BRCA2: variants seen among roughly 807,000 people sequenced by gnomAD.
The protein encoded by BRCA2 is breast cancer type 2 susceptibility protein.
BRCA2 carries 203 observed loss-of-function variants against 276.7 expected under a neutral mutation model. That is an observed-to-expected ratio of 0.73 (90% CI 0.65 to 0.82). The LOEUF (loss-of-function observed/expected upper bound fraction) is 0.82. Ranked by LOEUF, BRCA2 falls within the 40% of genes least tolerant of loss-of-function variation. BRCA2 has a pLI of 0.00. For synonymous variants in BRCA2, 1,289 were observed against 1,338.4 expected (o/e 0.96, Z 0.81); for missense variants, 3,920 against 3,915.0 (o/e 1.00, Z -0.03).
intron 24 of BRCA2, among the ~76,000 whole-genome samples, chr13:32,387,910 G>C (rs1294634866): frequency 6.6e-6 from 1 of 151,936 alleles, no homozygotes. Flanking sequence ...TCCTTACCAT[G>C]CCCCCTTGTC....
rs566724003 is a variant in BRCA2 at position 32,335,382 on chromosome 13, T to C, written c.1910-883T>C. ...AAAAAAAGCTAATACATGTGATCACTGATGAAATGCAATTAAGAACTGGTT... is the reference window on the plus strand; with the variant it reads ...AAAAAAAGCTAATACATGTGATCACCGATGAAATGCAATTAAGAACTGGTT... On this transcript the variant is annotated intron_variant, in intron 10 of 26. Transcript: ENST00000380152. Among the ~76,000 whole-genome samples, 74 of 150,820 alleles carry C rather than the reference T, an allele frequency of 4.9e-4. 1 individual carries two copies. In the South Asian group the frequency reaches 0.012, roughly 24 times the overall value.
intron 7 of BRCA2, among the ~76,000 whole-genome samples, chr13:32,327,812 A>T (rs2072361244): frequency 6.7e-6 from 1 of 149,982 alleles, no homozygotes; most frequent in African/African-American, 2.5e-5. Context: ...TCTGTTGCCC[A>T]GGCTGGAGTG....
chr13:32,376,569 C>A, intron 20 of BRCA2, 101 bp from the exon 21 acceptor site: 1 of 1,294,148 alleles, frequency 7.7e-7, no homozygotes, highest in Non-Finnish European at 1.1e-6. Context: ...AGTTTCTTAT[C>A]TTTAAATCTC....
chr13:32,371,334 A>T (rs1442997371), intron 20 of BRCA2, among the ~76,000 whole-genome samples: 1 of 152,018 alleles, frequency 6.6e-6, no homozygotes, highest in Non-Finnish European at 1.5e-5. Context: ...TACCTATATG[A>T]TGTGGCTTTT....
intron 20 of BRCA2, among the ~76,000 whole-genome samples, chr13:32,371,995 G>T (rs191566067): frequency 6.6e-6 from 1 of 152,344 alleles, no homozygotes. Context: ...CAATGTTGAT[G>T]CCTGCTGAGT....
chr13:32,323,526 A>G (rs997661393), intron 3 of BRCA2, among the ~76,000 whole-genome samples: 1 of 152,210 alleles, frequency 6.6e-6, no homozygotes, highest in African/African-American at 2.4e-5. Flanking sequence ...AAATCTCATT[A>G]GAGAAGGAGG....
Position 32,325,156 on chromosome 13 carries a change from C to T in BRCA2, c.397C>T (p.Pro133Ser), listed in dbSNP as rs571823764. Residue 133 changes from proline (P) to serine (S), a missense_variant, in exon 4 of 27, where the codon CCA (proline) becomes TCA (serine). By Grantham distance (74) the Pro-to-Ser change is moderately conservative. Transcript: ENST00000380152. ...KMDQADDVSC[P>S]LLNSCLSESP... Reference sequence around the variant, plus strand: ...GGATCAAGCAGATGATGTTTCCTGTCCACTTCTAAATTCTTGTCTTAGTGA... The same window carrying T: ...GGATCAAGCAGATGATGTTTCCTGTTCACTTCTAAATTCTTGTCTTAGTGA... 1 of 1,601,832 alleles carries T rather than the reference C, an allele frequency of 6.2e-7. No homozygotes were observed. Among genetic ancestry groups the T allele is most frequent in the South Asian group, 1.1e-5 (1 of 90,756 alleles).
chr13:32,387,596 G>A (rs1188695922), intron 24 of BRCA2, among the ~76,000 whole-genome samples: 1 of 152,164 alleles, frequency 6.6e-6, no homozygotes, highest in Admixed American at 6.5e-5. Flanking sequence ...ATATTACGCA[G>A]GCCTGCCCGC....
chr13:32,357,653 C>A, intron 15 of BRCA2, 89 bp from the exon 16 acceptor site: 1 of 1,400,320 alleles, frequency 7.1e-7, no homozygotes, highest in Admixed American at 2.2e-5. Flanking sequence ...TTGGTAAATT[C>A]AGTTTTGGTT....
Position 32,370,468 on chromosome 13 carries a change from C to A in BRCA2, c.8398C>A (p.Pro2800Thr), listed in dbSNP as rs80359086. Residue 2800 changes from proline to threonine, a missense_variant, in exon 19 of 27, where the codon CCT (proline) becomes ACT (threonine). Around this residue, in one of 2 missense-constraint regions of BRCA2, gnomAD observed 657 missense variants for 758.2 expected, o/e 0.87. Transcript: ENST00000380152. ...ACTTGGATTCTTTCCTGACCCTAGA[C>A]CTTTTCCTCTGCCCTTATCATCGCT... ...TKLGFFPDPRPFPLPLSSLFS... is the reference protein window; with the variant it reads ...TKLGFFPDPRTFPLPLSSLFS... The A allele has an allele frequency of 1.2e-6, 2 of 1,613,926 alleles. No individual in the cohort carries two copies. Among genetic ancestry groups the A allele is most frequent in the Non-Finnish European group, 1.7e-6 (2 of 1,179,806 alleles).
chr13:32,355,397 C>A (rs1331649034), intron 14 of BRCA2, 109 bp downstream of exon 14: 2 of 1,231,082 alleles, frequency 1.6e-6, no homozygotes, highest in Non-Finnish European at 2.3e-6. Context: ...ATTTTAAAGC[C>A]CTTTTTAATG....
intron 20 of BRCA2, among the ~76,000 whole-genome samples, chr13:32,373,841 A>C (rs1173157740): frequency 2.0e-5 from 3 of 152,206 alleles, no homozygotes; most frequent in Non-Finnish European, 4.4e-5. Context: ...TTTCCCTCAC[A>C]GTTTCCCTCC....
rs139834007 is a variant in BRCA2 at position 32,367,964 on chromosome 13, C to T, written c.8332-2438C>T. 9.2e-3 allele frequency among the ~76,000 whole-genome samples: 1,335 copies of T among 144,350 alleles called. 12 individuals carry two copies. Among genetic ancestry groups the T allele is most frequent in the Non-Finnish European group, 0.014 (915 of 66,470 alleles). The allele number at this position is 144,350 out of a possible 152,430, so 94.7% of individuals were successfully genotyped here. ...TAATAGAATTAAAATATAACCATTTCGCAACCCTCAAATTAGGGTTGTCTT... is the reference window on the plus strand; with the variant it reads ...TAATAGAATTAAAATATAACCATTTTGCAACCCTCAAATTAGGGTTGTCTT... On this transcript the variant is annotated intron_variant, in intron 18 of 26. Transcript: ENST00000380152.
At position 32,370,948 on chromosome 13, in the gene BRCA2, T is replaced by A; in HGVS notation, c.8488-8T>A. 6.2e-7 allele frequency: 1 copy of A among 1,614,072 alleles called. No individual in the cohort carries two copies. The highest frequency in any genetic ancestry group is 8.5e-7 in the Non-Finnish European group (1 of 1,179,954). On this transcript the variant is annotated splice_polypyrimidine_tract_variant and splice_region_variant and intron_variant, in intron 19 of 26. Coordinates refer to ENST00000380152, the MANE Select transcript of BRCA2 (RefSeq NM_000059.4). ...GACTTTTTTGGTGTGTGTAACACAT[T>A]ATTACAGTGGATGGAGAAGACATCA...
Position 32,340,473 on chromosome 13 carries a change from A to G in BRCA2, c.6118A>G (p.Ile2040Val), listed in dbSNP as rs80358850. The G allele has an allele frequency of 6.2e-7, 1 of 1,613,604 alleles. No individual in the cohort carries two copies. Among genetic ancestry groups the G allele is most frequent in the Non-Finnish European group, 8.5e-7 (1 of 1,179,804 alleles). Reference sequence around the variant, plus strand: ...TGCTATACGTACTCCAGAACATTTAATATCCCAAAAAGGCTTTTCATATAA... The same window carrying G: ...TGCTATACGTACTCCAGAACATTTAGTATCCCAAAAAGGCTTTTCATATAA... ...NTAIRTPEHL[I>V]SQKGFSYNVV... The change falls in exon 11 of 27, where the codon ATA (isoleucine) becomes GTA (valine). Residue 2040 changes from isoleucine to valine, a missense_variant. Physicochemically the swap from Ile to Val is conservative, Grantham distance 29. Around this residue, in one of 2 missense-constraint regions of BRCA2, gnomAD observed 3,263 missense variants for 3,156.9 expected, o/e 1.03. Transcript: ENST00000380152.
At chr13:32,396,603 C>A (rs2073038468) in intron 25 of BRCA2, among the ~76,000 whole-genome samples, 1 of 152,202 alleles carries the variant, frequency 6.6e-6, no homozygotes, top group Admixed American at 6.5e-5. Flanking sequence ...CTTCCAGCTT[C>A]AATCCAGATC....
chr13:32,332,728 C>G lies in BRCA2; in HGVS notation c.1250C>G (p.Ser417Cys), dbSNP rs1335782281. ...GAGAAAATACCCCTATTGCATATTT[C>G]TTCATGTGACCAAAATATTTCAGAA... is the stretch of plus-strand genomic sequence containing the variant. ...QMEKIPLLHI[S>C]SCDQNISEKD... is the part of the protein sequence containing the mutation. The change falls in exon 10 of 27, where the codon TCT becomes TGT. Residue 417 changes from serine to cysteine, a missense_variant. Around this residue, in one of 2 missense-constraint regions of BRCA2, gnomAD observed 3,263 missense variants for 3,156.9 expected, o/e 1.03. Transcript: ENST00000380152. The G allele has an allele frequency of 6.2e-7, 1 of 1,611,968 alleles. No homozygotes were observed. The highest frequency in any genetic ancestry group is 8.5e-7 in the Non-Finnish European group (1 of 1,179,478).
chr13:32,365,030 G>A (rs2072770780), intron 18 of BRCA2, among the ~76,000 whole-genome samples: 1 of 150,528 alleles, frequency 6.6e-6, no homozygotes, highest in African/African-American at 2.4e-5. Context: ...TAGAATTCTA[G>A]GTTGAAATAA....
chr13:32,327,854 A>C (rs2072361588), intron 7 of BRCA2, among the ~76,000 whole-genome samples: 1 of 149,304 alleles, frequency 6.7e-6, no homozygotes, highest in Non-Finnish European at 1.5e-5. Flanking sequence ...CTGCAGCCTC[A>C]ACCTCCCAGG....
Sources: allele counts gnomAD v4.1 joint callset (sites outside exome capture counted in the v4.1 genomes callset), GRCh38; gene constraint gnomAD v4.1.1; regional missense constraint gnomAD v4.1.1; transcripts MANE v1.5; gene names NCBI Gene and HGNC (gene_info 2026-07-23, HGNC 2026-07-21).